The following CCDC192 variants were observed in gnomAD, a reference collection of about 807,000 sequenced individuals.
CCDC192 encodes coiled-coil domain-containing protein 192.
rs372081693 is a variant in CCDC192, at chr5:127,823,256, C to T, written c.411+25094C>T. On this transcript the variant is annotated intron_variant, in intron 5 of 6. Transcript: ENST00000514853. ...GTCTGTCTTTTCAAATCTGTGGGTA[C>T]AGGTGATGTTGACAGAGCCTGGAGC... Among the ~76,000 whole-genome samples, 8 of 152,286 alleles carry T rather than the reference C, an allele frequency of 5.3e-5. No individual in the cohort carries two copies. In the East Asian group the frequency reaches 1.2e-3, roughly 22 times the overall value.
intron 5 of CCDC192, among the ~76,000 whole-genome samples, chr5:127,866,176 A>C (rs561604795): frequency 6.6e-6 from 1 of 152,240 alleles, no homozygotes; most frequent in Non-Finnish European, 1.5e-5. Context: ...AAGGAAAAAA[A>C]ATCTCTGCTT....
intron 2 of CCDC192, among the ~76,000 whole-genome samples, chr5:127,744,438 G>T (rs1580577723): frequency 6.6e-6 from 1 of 152,112 alleles, no homozygotes; most frequent in Non-Finnish European, 1.5e-5. Flanking sequence ...TGTTTATCTG[G>T]CAGGAAGTTA....
At chr5:127,787,874 G>C (rs531826354) in intron 3 of CCDC192, among the ~76,000 whole-genome samples, 2 of 152,224 alleles carry the variant, frequency 1.3e-5, no homozygotes, top group Admixed American at 1.3e-4. Flanking sequence ...TTGAGGTGAG[G>C]AGTTTGAGAC....
chr5:127,911,811 A>T (rs1022018089), intron 6 of CCDC192, among the ~76,000 whole-genome samples: 5 of 151,206 alleles, frequency 3.3e-5, no homozygotes, highest in African/African-American at 9.7e-5. Context: ...GGCTCAAGCA[A>T]TCCTCTCACT....
Position 127,800,907 on chromosome 5 carries a change from G to A in CCDC192, c.411+2745G>A, listed in dbSNP as rs377242502. On this transcript the variant is annotated intron_variant, in intron 5 of 6. Coordinates refer to ENST00000514853, the MANE Select transcript of CCDC192 (RefSeq NM_001317938.2). Reference sequence around the variant, plus strand: ...GCCACTTCTCTAGCTCTTTTTAATCGTCTTATATTTTAATTATTGTAACTG... The same window carrying A: ...GCCACTTCTCTAGCTCTTTTTAATCATCTTATATTTTAATTATTGTAACTG... Among the ~76,000 whole-genome samples the A allele has an allele frequency of 2.8e-4, 43 of 151,874 alleles. 1 individual carries two copies. The East Asian group carries it at 4.9e-3, about 17-fold the overall frequency.
intron 5 of CCDC192, among the ~76,000 whole-genome samples, chr5:127,856,824 C>A (rs529357334): frequency 1.3e-5 from 2 of 152,120 alleles, no homozygotes; most frequent in African/African-American, 2.4e-5. Flanking sequence ...TGTTTGGTGT[C>A]TTATATGGGT....
At chr5:127,935,050 T>C (rs1054492000) in intron 6 of CCDC192, among the ~76,000 whole-genome samples, 2 of 152,186 alleles carry the variant, frequency 1.3e-5, no homozygotes, top group African/African-American at 4.8e-5. Flanking sequence ...GAGTAAATAC[T>C]TGGCAGCCTT....
At chr5:127,748,832 TA>T (rs1408073674) in intron 2 of CCDC192, among the ~76,000 whole-genome samples, 1 of 148,774 alleles carries the variant, frequency 6.7e-6, no homozygotes, top group Non-Finnish European at 1.5e-5. Flanking sequence ...ACATCCCTTG[TA>T]AGTTGGATTC....
intron 2 of CCDC192, among the ~76,000 whole-genome samples, chr5:127,753,046 G>T (rs902390660): frequency 6.6e-6 from 1 of 152,286 alleles, no homozygotes; most frequent in East Asian, 1.9e-4. Flanking sequence ...CGGTACCTCA[G>T]ATGGAAATGC....
At chr5:127,784,658 C>A in intron 3 of CCDC192, 2 of 734,590 alleles carry the variant, frequency 2.7e-6, no homozygotes, top group South Asian at 2.7e-5. Context: ...TCAACTTGCT[C>A]CAAATATTCT....
At chr5:127,741,291 G>A (rs553774668) in intron 2 of CCDC192, among the ~76,000 whole-genome samples, 1 of 152,166 alleles carries the variant, frequency 6.6e-6, no homozygotes, top group Admixed American at 6.5e-5. Flanking sequence ...TTGAACTCCT[G>A]GGCTCGAGAG....
chr5:127,920,035 G>A (rs1437000281), intron 6 of CCDC192, among the ~76,000 whole-genome samples: 2 of 152,172 alleles, frequency 1.3e-5, no homozygotes, highest in East Asian at 3.8e-4. Context: ...TACATGCAGA[G>A]CTACACACAC....
chr5:127,872,866 T>G (rs1281394973), intron 5 of CCDC192, among the ~76,000 whole-genome samples: 1 of 152,194 alleles, frequency 6.6e-6, no homozygotes, highest in African/African-American at 2.4e-5. Context: ...TCTCAATTTC[T>G]TTCTCAGATT....
chr5:127,725,349 C>T (rs1361612487), intron 2 of CCDC192, among the ~76,000 whole-genome samples: 1 of 152,126 alleles, frequency 6.6e-6, no homozygotes, highest in Non-Finnish European at 1.5e-5. Flanking sequence ...CCATCATCAG[C>T]ATTAGTGTGT....
At chr5:127,933,285 T>A (rs1326138171) in intron 6 of CCDC192, among the ~76,000 whole-genome samples, 1 of 152,180 alleles carries the variant, frequency 6.6e-6, no homozygotes, top group Non-Finnish European at 1.5e-5. Context: ...ACCTGACTTA[T>A]ATTTTGATGG....
chr5:127,823,602 A>G (rs1022066940), intron 5 of CCDC192, among the ~76,000 whole-genome samples: 2 of 152,176 alleles, frequency 1.3e-5, no homozygotes, highest in African/African-American at 4.8e-5. Flanking sequence ...TTCTATTTTC[A>G]AGCCTTGTTG....
At chr5:127,884,457 A>C (rs1187414399) in intron 6 of CCDC192, among the ~76,000 whole-genome samples, 1 of 150,818 alleles carries the variant, frequency 6.6e-6, no homozygotes, top group African/African-American at 2.4e-5. Context: ...TTCCTTAGGT[A>C]GTTAGCACTG....
At chr5:127,832,451 G>A (rs566571741) in intron 5 of CCDC192, among the ~76,000 whole-genome samples, 2 of 152,150 alleles carry the variant, frequency 1.3e-5, no homozygotes, top group African/African-American at 2.4e-5. Context: ...CAGTATAATC[G>A]CATTAATGTG....
chr5:127,732,242 A>C (rs1458595301), intron 2 of CCDC192, among the ~76,000 whole-genome samples: 1 of 152,224 alleles, frequency 6.6e-6, no homozygotes, highest in East Asian at 1.9e-4. Flanking sequence ...ATATGGAAAA[A>C]AGCTCAGCAT....
Sources: gnomAD v4.1 joint callset for allele counts (sites outside exome capture counted in the v4.1 genomes callset) on GRCh38, gnomAD v4.1.1 for gene constraint, MANE v1.5 for transcripts, NCBI Gene and HGNC (gene_info 2026-07-23, HGNC 2026-07-21) for gene names.